LRRK2: variants seen among roughly 807,000 people sequenced by gnomAD.
LRRK2 encodes leucine-rich repeat serine/threonine-protein kinase 2.
Under a neutral mutation model 302.6 loss-of-function variants are expected in LRRK2, and 203 were observed. The ratio of observed to expected loss-of-function variants is 0.67; its 90% CI spans 0.60 to 0.75. LRRK2 has a LOEUF of 0.75. Among genes scored for constraint, LRRK2 ranks in the 30% least tolerant of loss-of-function variants. The probability of loss-of-function intolerance (pLI) is 0.00; values close to 1 mark genes in which losing one functional copy is unlikely to be tolerated. For missense variants in LRRK2, 2,830 were observed against 2,951.0 expected, an observed-to-expected ratio of 0.96 and a Z score of 0.95; for synonymous variants, 1,066 against 1,031.9, an observed-to-expected ratio of 1.03 and a Z score of -0.63.
In LRRK2 at chr12:40,230,407, T is replaced by A. The variant is rs151275157; in HGVS notation, c.238-1867T>A. 2.0e-3 allele frequency among the ~76,000 whole-genome samples: 308 copies of A among 152,288 alleles called. 2 individuals carry two copies. The highest frequency in any genetic ancestry group is 6.9e-3 in the African/African-American group (287 of 41,570). ...TTCAACTCCTTGCAATATTCAACTT[T>A]ACTTATGCATCCAGCCTTATCCCAA... On this transcript the variant is annotated intron_variant, in intron 2 of 50. Coordinates refer to ENST00000298910, the MANE Select transcript of LRRK2 (RefSeq NM_198578.4).
intron 49 of LRRK2, chr12:40,365,796 G>C: frequency 6.6e-6 from 1 of 151,948 alleles, no homozygotes; most frequent in Non-Finnish European, 1.5e-5. Context: ...TGTGAAAGAG[G>C]AACATGTGTT....
At chr12:40,314,263 T>C (rs1945135427) in intron 32 of LRRK2, 90 bp downstream of exon 32, 1 of 1,319,706 alleles carries the variant, frequency 7.6e-7, no homozygotes. Context: ...ACATTCAAAG[T>C]TGAGAGAATA....
intron 49 of LRRK2, chr12:40,365,473 A>G (rs1340803300): frequency 1.2e-5 from 2 of 161,240 alleles, no homozygotes; most frequent in African/African-American, 2.4e-5. Flanking sequence ...TTGCAGCAAT[A>G]CATGCTGAAC....
At chr12:40,287,601 GACCCAAGACAAAA>G (rs990873558) in intron 20 of LRRK2, 62 bp downstream of exon 20, 2 of 1,524,354 alleles carry the variant, frequency 1.3e-6, no homozygotes, top group African/African-American at 2.8e-5. Flanking sequence ...TGAACAATAG[GACCCAAGACAAAA>G]ACCTGACCTA....
intron 31 of LRRK2, among the ~76,000 whole-genome samples, chr12:40,310,867 G>C (rs1426360532): frequency 6.6e-6 from 1 of 152,070 alleles, no homozygotes; most frequent in Non-Finnish European, 1.5e-5. Context: ...AGGAACCTGA[G>C]AGAAACTAAG....
At chr12:40,268,904 T>C (rs542676149) in intron 14 of LRRK2, among the ~76,000 whole-genome samples, 26 of 152,290 alleles carry the variant, frequency 1.7e-4, no homozygotes, top group Admixed American at 1.0e-3. Context: ...GTTACTTGTG[T>C]TGGAACAACT....
intron 26 of LRRK2, 98 bp from the exon 27 acceptor site, chr12:40,303,850 A>G (rs1944712620): frequency 1.7e-6 from 2 of 1,166,866 alleles, no homozygotes; most frequent in African/African-American, 3.0e-5. Context: ...TTTTGACGTT[A>G]CACTTTATTC....
chr12:40,291,275 G>T, intron 20 of LRRK2, among the ~76,000 whole-genome samples: 1 of 151,130 alleles, frequency 6.6e-6, no homozygotes, highest in Admixed American at 6.6e-5. Context: ...ACCAGGGCCT[G>T]TTGTGGGGTG....
intron 11 of LRRK2, among the ~76,000 whole-genome samples, chr12:40,253,488 T>A (rs376287165): frequency 1.6e-4 from 24 of 152,246 alleles, no homozygotes; most frequent in African/African-American, 5.8e-4. Context: ...TGGACTCAGG[T>A]GATGCTCCCA....
At chr12:40,302,991 A>G (rs1592256611) in intron 26 of LRRK2, 109 bp downstream of exon 26, 1 of 763,806 alleles carries the variant, frequency 1.3e-6, no homozygotes, top group Non-Finnish European at 2.2e-6. Flanking sequence ...AAACCTACTC[A>G]ACTTGATGTT....
chr12:40,254,029 GT>G (rs1423395305), intron 11 of LRRK2, among the ~76,000 whole-genome samples: 1 of 152,086 alleles, frequency 6.6e-6, no homozygotes, highest in African/African-American at 2.4e-5. Flanking sequence ...AAAATGGCTT[GT>G]ATCCCTTTAG....
chr12:40,307,417 T>C (rs1944862813), intron 28 of LRRK2, among the ~76,000 whole-genome samples: 1 of 152,132 alleles, frequency 6.6e-6, no homozygotes, highest in Non-Finnish European at 1.5e-5. Context: ...TTGACTCTAC[T>C]ATTAGTTTAA....
intron 46 of LRRK2, among the ~76,000 whole-genome samples, chr12:40,357,898 G>T (rs769505283): frequency 1.1e-4 from 16 of 151,184 alleles, no homozygotes; most frequent in Non-Finnish European, 2.2e-4. Flanking sequence ...TCAGCTTCAC[G>T]AGTAGCTGGG....
intron 35 of LRRK2, 31 bp from the exon 36 acceptor site, chr12:40,322,004 G>A (rs1191011286): frequency 6.2e-7 from 1 of 1,610,794 alleles, no homozygotes; most frequent in African/African-American, 1.3e-5. Flanking sequence ...AACTTAGGAA[G>A]CAGTTAATAA....
At chr12:40,288,899 G>T (rs372035319) in intron 20 of LRRK2, among the ~76,000 whole-genome samples, 1 of 151,702 alleles carries the variant, frequency 6.6e-6, no homozygotes, top group African/African-American at 2.4e-5. Flanking sequence ...CAAAACAGAG[G>T]TTTTAAATCT....
chr12:40,298,413 C>A lies in LRRK2; in HGVS notation c.3267C>A (p.Asn1089Lys). The A allele has an allele frequency of 6.2e-7, 1 of 1,613,812 alleles. No individual in the cohort carries two copies. The highest frequency in any genetic ancestry group is 8.5e-7 in the Non-Finnish European group (1 of 1,179,952). The change falls in exon 24 of 51, where the codon AAC (asparagine) becomes AAA (lysine). Residue 1089 changes from asparagine (N) to lysine (K), a missense_variant. By Grantham distance (94) the Asn-to-Lys change is moderately conservative (BLOSUM62 0). Transcript: ENST00000298910. Reference sequence around the variant, plus strand: ...AATGTCCAACTCTGAAACAGTTTAACCTGTCATATAACCAGCTGTCTTTTG... The same window carrying A: ...AATGTCCAACTCTGAAACAGTTTAAACTGTCATATAACCAGCTGTCTTTTG... ...TVKCPTLKQF[N>K]LSYNQLSFVP...
intron 19 of LRRK2, among the ~76,000 whole-genome samples, chr12:40,284,346 G>A (rs1200984088): frequency 6.7e-6 from 1 of 149,854 alleles, no homozygotes; most frequent in Non-Finnish European, 1.5e-5. Context: ...TAAAAATAGA[G>A]CAAAATAGTG....
intron 7 of LRRK2, among the ~76,000 whole-genome samples, chr12:40,247,332 T>G (rs1942028526): frequency 6.6e-6 from 1 of 151,718 alleles, no homozygotes; most frequent in Non-Finnish European, 1.5e-5. Context: ...TGTTGTTATA[T>G]GACTAAAACT....
chr12:40,362,661 C>T (rs1051940653), intron 47 of LRRK2, among the ~76,000 whole-genome samples: 4 of 151,928 alleles, frequency 2.6e-5, no homozygotes, highest in African/African-American at 9.7e-5. Flanking sequence ...GGAAGAAATC[C>T]AGAGGAGCCG....
Sources: allele counts gnomAD v4.1 joint callset (sites outside exome capture counted in the v4.1 genomes callset), GRCh38; gene constraint gnomAD v4.1.1; transcripts MANE v1.5; gene names NCBI Gene and HGNC (gene_info 2026-07-23, HGNC 2026-07-21).